The following DLGAP3 variants were observed in gnomAD, a reference collection of about 807,000 sequenced individuals.
DLGAP3 encodes the protein DLG associated protein 3.
DLGAP3 carries 17 observed loss-of-function variants against 81.2 expected under a neutral mutation model. That is an observed-to-expected ratio of 0.21 (90% CI 0.14 to 0.31). The LOEUF (loss-of-function observed/expected upper bound fraction) is 0.31. Among genes scored for constraint, DLGAP3 ranks in the 10% least tolerant of loss-of-function variants. The pLI is 1.00. For missense variants in DLGAP3, 1,124 were observed against 1,388.0 expected (o/e 0.81, Z 3.02); for synonymous variants, 577 against 587.4 (o/e 0.98, Z 0.26).
Position 34,865,902 on chromosome 1 carries a change from C to A in DLGAP3, c.*181G>T. On this transcript the variant is annotated 3_prime_UTR_variant, in exon 12 of 12. Transcript: ENST00000373347. Reference sequence around the variant, plus strand: ...CACGGCCCCCTGCCCAGCCCGGGCGCCTTCGCGTGGGATCAGGAAGGTAAA... The same window carrying A: ...CACGGCCCCCTGCCCAGCCCGGGCGACTTCGCGTGGGATCAGGAAGGTAAA... The A allele has an allele frequency of 1.4e-6, 1 of 693,314 alleles. No individual in the cohort carries two copies. The allele number at this position is 693,314 out of a possible 1,614,324, so 42.9% of individuals were successfully genotyped here. A position where few individuals can be genotyped will look rare whatever the true frequency, so the allele number is the denominator to read the frequency against.
intron 1 of DLGAP3, among the ~76,000 whole-genome samples, chr1:34,917,440 C>A (rs993145566): frequency 1.3e-5 from 2 of 151,670 alleles, no homozygotes; most frequent in African/African-American, 4.9e-5. Flanking sequence ...CTTGACCTCC[C>A]AGGCTCAAGC....
chr1:34,867,728 A>C lies in DLGAP3; in HGVS notation c.2486-101T>G, dbSNP rs1246814359. On this transcript the variant is annotated intron_variant, in intron 9 of 11. Transcript: ENST00000373347. This position sits in a 1 kb window ranked among gnomAD's most constrained non-coding sequence, Gnocchi z 4.3. ...GACGCTGACCCCTCGGTTGCTTGGC[A>C]CTGTGTATCCATCAGTCTCCTCCAG... 3.1e-6 allele frequency: 3 copies of C among 953,178 alleles called. No individual in the cohort carries two copies. Among genetic ancestry groups the C allele is most frequent in the Non-Finnish European group, 5.1e-6 (3 of 592,958 alleles). 59.0% of individuals were successfully genotyped at this position (953,178 alleles called of 1,614,324 possible).
chr1:34,894,937 G>T (rs1346404404), intron 5 of DLGAP3, among the ~76,000 whole-genome samples: 1 of 152,162 alleles, frequency 6.6e-6, no homozygotes, highest in Non-Finnish European at 1.5e-5. Flanking sequence ...AGTGTCCTAA[G>T]ATCACTTAAG....
chr1:34,898,161 T>C (rs961937704), intron 5 of DLGAP3, among the ~76,000 whole-genome samples: 1 of 152,164 alleles, frequency 6.6e-6, no homozygotes, highest in South Asian at 2.1e-4. Context: ...TTGGTAGTCA[T>C]CAGGCTCTCA....
chr1:34,906,574 C>T (rs1639559145), intron 2 of DLGAP3, among the ~76,000 whole-genome samples: 1 of 152,120 alleles, frequency 6.6e-6, no homozygotes, highest in African/African-American at 2.4e-5. Context: ...AAATATTTTC[C>T]CTATGAAATT....
Position 34,885,739 on chromosome 1 carries a change from CG to C in DLGAP3, c.1652del (p.Pro551ArgfsTer127). Reference sequence around the variant, plus strand: ...TCTGGGCGGTGATGGAGATGCGGGGCGGGGCCTGGCTTCCCGGCGGGATGGG... The same window carrying C: ...TCTGGGCGGTGATGGAGATGCGGGGCGGGCCTGGCTTCCCGGCGGGATGGG... ...PPPIPPGSQAPPRISITAQSS... is the reference protein window; with the variant it reads ...PPPIPPGSQAXPRISITAQSS... On this transcript the variant is annotated frameshift_variant, in exon 7 of 12. Coordinates refer to ENST00000373347, the MANE Select transcript of DLGAP3 (RefSeq NM_001080418.3). LOFTEE classifies it high-confidence loss of function. 1 of 1,416,152 alleles carries C rather than the reference CG, an allele frequency of 7.1e-7. No homozygotes were observed. Among genetic ancestry groups the C allele is most frequent in the Non-Finnish European group, 9.1e-7 (1 of 1,093,340 alleles). The allele number at this position is 1,416,152 out of a possible 1,614,324, so 87.7% of individuals were successfully genotyped here.
intron 8 of DLGAP3, among the ~76,000 whole-genome samples, chr1:34,884,013 G>A (rs1048631987): frequency 6.6e-6 from 1 of 152,006 alleles, no homozygotes; most frequent in South Asian, 2.1e-4. Flanking sequence ...CAGGCTCCTG[G>A]GTTCAACCAA....
At chr1:34,917,943 G>A (rs1330027620) in intron 1 of DLGAP3, among the ~76,000 whole-genome samples, 1 of 152,174 alleles carries the variant, frequency 6.6e-6, no homozygotes, top group Admixed American at 6.5e-5. Flanking sequence ...TTAATCTACT[G>A]AGCTGGAGAA....
At chr1:34,918,571 C>T (rs1639754361) in intron 1 of DLGAP3, among the ~76,000 whole-genome samples, 3 of 152,166 alleles carry the variant, frequency 2.0e-5, no homozygotes. Flanking sequence ...CTCAGGAAAT[C>T]AGCCGGGGAA....
intron 1 of DLGAP3, among the ~76,000 whole-genome samples, chr1:34,913,310 G>C (rs995385944): frequency 6.6e-6 from 1 of 152,140 alleles, no homozygotes; most frequent in South Asian, 2.1e-4. Flanking sequence ...TCCATCTCCT[G>C]ACCCACTGGA....
intron 8 of DLGAP3, among the ~76,000 whole-genome samples, chr1:34,876,822 G>A (rs572217767): frequency 1.3e-3 from 194 of 152,238 alleles, no homozygotes; most frequent in African/African-American, 4.3e-3. Flanking sequence ...GGAAGGCCAC[G>A]TTCTCTGCCT....
At position 34,865,955 on chromosome 1, in the gene DLGAP3, G is replaced by A. The variant is rs549404115; in HGVS notation, c.*128C>T. The A allele has an allele frequency of 3.0e-5, 25 of 824,666 alleles. No individual in the cohort carries two copies. In the African/African-American group the frequency reaches 4.2e-4, roughly 14 times the overall value. 51.1% of individuals were successfully genotyped at this position (824,666 alleles called of 1,614,324 possible). A position where few individuals can be genotyped will look rare whatever the true frequency, so the allele number is the denominator to read the frequency against. ...ACCCACGAGAGTGTGACGGGCCCGGGGGCCGGGGCGTCCGGTGCCGGTGGG... is the reference window on the plus strand; with the variant it reads ...ACCCACGAGAGTGTGACGGGCCCGGAGGCCGGGGCGTCCGGTGCCGGTGGG... On this transcript the variant is annotated 3_prime_UTR_variant, in exon 12 of 12. Transcript: ENST00000373347.
intron 5 of DLGAP3, among the ~76,000 whole-genome samples, chr1:34,892,599 G>T (rs1639328677): frequency 6.6e-6 from 1 of 152,048 alleles, no homozygotes; most frequent in Non-Finnish European, 1.5e-5. Flanking sequence ...GTGCACTACA[G>T]GTCAAACTCT....
intron 1 of DLGAP3, among the ~76,000 whole-genome samples, chr1:34,918,260 TC>T (rs139717780): frequency 0.012 from 1,885 of 152,288 alleles, 38 homozygotes; most frequent in African/African-American, 0.042. Context: ...GGCAGAATCC[TC>T]CTTCCACCCT....
chr1:34,881,048 A>T (rs1223965037), intron 8 of DLGAP3, among the ~76,000 whole-genome samples: 1 of 152,188 alleles, frequency 6.6e-6, no homozygotes, highest in Non-Finnish European at 1.5e-5. Flanking sequence ...AACCTACCAA[A>T]TTCATTTTAG....
chr1:34,869,949 T>A (rs1421466843), intron 8 of DLGAP3, among the ~76,000 whole-genome samples: 1 of 152,142 alleles, frequency 6.6e-6, no homozygotes, highest in Non-Finnish European at 1.5e-5. Flanking sequence ...CACTTCCCAC[T>A]GCACCAGCTG....
At chr1:34,885,421 AC>A in intron 7 of DLGAP3, 56 bp downstream of exon 7, 1 of 1,573,060 alleles carries the variant, frequency 6.4e-7, no homozygotes, top group Non-Finnish European at 8.6e-7. Context: ...CCAGCCCCTC[AC>A]CCCAGCCCCG....
chr1:34,867,998 C>A lies in DLGAP3; in HGVS notation c.2486-371G>T, dbSNP rs1468171735. On this transcript the variant is annotated intron_variant, in intron 9 of 11. Transcript: ENST00000373347. The surrounding 1 kb of genome is among the most constrained non-coding windows in gnomAD (Gnocchi z 4.3). ...TGGCTAAGCTTTGTTCATCACTCCCCAGTGCATGCAAGACTCCTTGGCTCT... is the reference window on the plus strand; with the variant it reads ...TGGCTAAGCTTTGTTCATCACTCCCAAGTGCATGCAAGACTCCTTGGCTCT... Among the ~76,000 whole-genome samples, 1 of 152,226 alleles carries A rather than the reference C, an allele frequency of 6.6e-6. No individual in the cohort carries two copies. The highest frequency in any genetic ancestry group is 1.5e-5 in the Non-Finnish European group (1 of 68,046).
At chr1:34,923,567 G>A (rs1397767150) in intron 1 of DLGAP3, among the ~76,000 whole-genome samples, 1 of 152,076 alleles carries the variant, frequency 6.6e-6, no homozygotes, top group Non-Finnish European at 1.5e-5. Context: ...ATTTCATGTG[G>A]GGGTGGAGGG....
Sources: gnomAD v4.1 joint callset for allele counts (sites outside exome capture counted in the v4.1 genomes callset) on GRCh38, gnomAD v4.1.1 for gene constraint, Gnocchi (gnomAD v3.1) non-coding constraint, MANE v1.5 for transcripts, NCBI Gene and HGNC (gene_info 2026-07-23, HGNC 2026-07-21) for gene names.